Variants in ZKSCAN7 observed in about 807,000 individuals in gnomAD.
ZKSCAN7 encodes zinc finger protein with KRAB and SCAN domains 7.
In ZKSCAN7, 38 loss-of-function variants were observed where a neutral mutation model predicts 65.3. The observed-to-expected ratio is 0.58, with a 90% CI of 0.45 to 0.76. The LOEUF (loss-of-function observed/expected upper bound fraction) is 0.76. Among genes scored for constraint, ZKSCAN7 ranks in the 30% least tolerant of loss-of-function variants. ZKSCAN7 has a pLI of 0.00. For missense variants in ZKSCAN7, 815 were observed against 913.3 expected, an observed-to-expected ratio of 0.89 and a Z score of 1.39; for synonymous variants, 321 against 321.0, an observed-to-expected ratio of 1.00 and a Z score of 0.00.
At chr3:44,581,126 G>T (rs1448726856) in intron 5 of ZKSCAN7, 38 of 986,126 alleles carry the variant, frequency 3.9e-5, no homozygotes, top group South Asian at 9.2e-5. Flanking sequence ...CGCCGGCCCT[G>T]CCACAGGCCC....
exon 6 of ZKSCAN7, chr3:44,583,174 C>T (rs533936575): frequency 4.0e-5 from 11 of 274,384 alleles, no homozygotes; most frequent in East Asian, 2.9e-4. Flanking sequence ...GTGATCCACC[C>T]GCCTCAGCCT....
At chr3:44,579,896 G>A in intron 5 of ZKSCAN7, 1 of 1,609,194 alleles carries the variant, frequency 6.2e-7, no homozygotes. Context: ...CGTCACGGAG[G>A]GCTCTGTGGA....
intron 2 of ZKSCAN7, among the ~76,000 whole-genome samples, chr3:44,558,336 C>T (rs140346093): frequency 1.5e-4 from 23 of 151,974 alleles, no homozygotes; most frequent in Admixed American, 6.6e-4. Flanking sequence ...ACCAGCCTGG[C>T]CAACATGGCA....
At chr3:44,575,317 C>A (rs571150543), downstream of ZKSCAN7, among the ~76,000 whole-genome samples, 1 of 152,118 alleles carries the variant, frequency 6.6e-6, no homozygotes, top group Non-Finnish European at 1.5e-5. Context: ...GCATGTCCAC[C>A]ACTTTGTTAG....
At chr3:44,568,094 A>G in intron 4 of ZKSCAN7, 91 bp downstream of exon 4, 1 of 1,410,836 alleles carries the variant, frequency 7.1e-7, no homozygotes. Context: ...TGCCCCATCT[A>G]AGACTATTCC....
In ZKSCAN7 at chr3:44,565,605, T is replaced by G; in HGVS notation, c.542T>G (p.Leu181Arg). ...GGGGGCTCAGCCCCTGGAGCCCACC[T>G]GGAGCCTCCTTATGACCCAGGGACA... is the stretch of plus-strand genomic sequence containing the variant. ...LSGGSAPGAH[L>R]EPPYDPGTHH... The change falls in exon 3 of 6, where the codon CTG (leucine) becomes CGG (arginine). Residue 181 changes from leucine to arginine, a missense_variant. Leu to Arg is a moderately radical substitution (Grantham distance 102). This residue lies in a region of ZKSCAN7 where 227 missense variants were observed against 253.3 expected (regional missense o/e 0.90). Transcript: ENST00000426540. The G allele has an allele frequency of 1.2e-6, 2 of 1,612,310 alleles. No individual in the cohort carries two copies. Among genetic ancestry groups the G allele is most frequent in the East Asian group, 4.5e-5 (2 of 44,822 alleles).
At chr3:44,565,328 G>GT (rs963192701) in intron 2 of ZKSCAN7, among the ~76,000 whole-genome samples, 159 bp from the exon 3 acceptor site, 79 of 150,484 alleles carry the variant, frequency 5.2e-4, no homozygotes, top group African/African-American at 1.1e-3. Flanking sequence ...TGCTTTCACA[G>GT]TTTTTTTTTT....
Position 44,565,604 on chromosome 3 carries a change from C to G in ZKSCAN7, c.541C>G (p.Leu181Val), listed in dbSNP as rs747277036. 7 of 1,612,360 alleles carry G rather than the reference C, an allele frequency of 4.3e-6. No homozygotes were observed. Among genetic ancestry groups the G allele is most frequent in the South Asian group, 1.1e-5 (1 of 90,460 alleles). ...TGGGGGCTCAGCCCCTGGAGCCCAC[C>G]TGGAGCCTCCTTATGACCCAGGGAC... ...LSGGSAPGAH[L>V]EPPYDPGTHH... is the part of the protein sequence containing the mutation. Residue 181 changes from leucine to valine, a missense_variant, in exon 3 of 6, where the codon CTG (leucine) becomes GTG (valine). Physicochemically the swap from Leu to Val is conservative, Grantham distance 32. Coordinates refer to ENST00000426540, the MANE Select transcript of ZKSCAN7 (RefSeq NM_001288590.2).
chr3:44,565,521 T>A lies in ZKSCAN7; in HGVS notation c.458T>A (p.Phe153Tyr). 1 of 1,610,108 alleles carries A rather than the reference T, an allele frequency of 6.2e-7. No homozygotes were observed. The highest frequency in any genetic ancestry group is 8.5e-7 in the Non-Finnish European group (1 of 1,178,374). Residue 153 changes from phenylalanine (F) to tyrosine (Y), a missense_variant, in exon 3 of 6, where the codon TTT (phenylalanine) becomes TAT (tyrosine). This residue lies in a region of ZKSCAN7 where 227 missense variants were observed against 253.3 expected (regional missense o/e 0.90). Transcript: ENST00000426540. ...CCAGCACAGAAACAGGAAATGCATT[T>A]TGAGGAGACAACAGCTCTGGGTACA... ...SAPAQKQEMH[F>Y]EETTALGTTK...
chr3:44,581,110 A>G (rs1700072452), intron 5 of ZKSCAN7: 2 of 998,582 alleles, frequency 2.0e-6, no homozygotes, highest in Non-Finnish European at 2.4e-6. Flanking sequence ...CCGCCGCCGC[A>G]TCCCTCGCCG....
intron 5 of ZKSCAN7, among the ~76,000 whole-genome samples, chr3:44,568,693 A>C (rs899908024): frequency 1.2e-4 from 19 of 152,184 alleles, no homozygotes; most frequent in Admixed American, 6.5e-5. Context: ...AAGTTATTGT[A>C]AGTAAGGAGC....
intron 5 of ZKSCAN7, chr3:44,578,126 C>A: frequency 1.3e-6 from 2 of 1,537,624 alleles, no homozygotes; most frequent in South Asian, 2.2e-5. Flanking sequence ...CCAGTGCTTC[C>A]GTTGCAGCCT....
rs1553622953 is a variant in ZKSCAN7 at position 44,582,945 on chromosome 3, T to TGA, written c.812-26_812-25dup. ...GTGTGTGTGTGTGTGTGTGTGTGTG[T>TGA]GACTGAGTTTCACTCTTGTCTTCCA... On this transcript the variant is annotated intron_variant, in intron 5 of 5. Transcript: ENST00000341840. 3.6e-4 allele frequency: 152 copies of TGA among 421,124 alleles called. 1 individual carries two copies. The highest frequency in any genetic ancestry group is 3.0e-3 in the African/African-American group (144 of 47,396). The allele number at this position is 421,124 out of a possible 1,614,324, so 26.1% of individuals were successfully genotyped here.
intron 2 of ZKSCAN7, among the ~76,000 whole-genome samples, chr3:44,558,782 A>ATTTTTTTTTTTTTTT (rs35709621): frequency 3.2e-5 from 3 of 92,708 alleles, no homozygotes; most frequent in Non-Finnish European, 4.0e-5. Context: ...TTTCTTCTTC[A>ATTTTTTTTTTTTTTT]TTTTTTTTTT....
In ZKSCAN7 at chr3:44,571,723, C is replaced by T; in HGVS notation, c.*348C>T. On this transcript the variant is annotated 3_prime_UTR_variant, in exon 6 of 6. Coordinates refer to ENST00000426540, the MANE Select transcript of ZKSCAN7 (RefSeq NM_001288590.2). ...TCTTCTCTATTCTATTCTACTTCCTCCATTTCACCATTTATACAAAGTCAT... is the reference window on the plus strand; with the variant it reads ...TCTTCTCTATTCTATTCTACTTCCTTCATTTCACCATTTATACAAAGTCAT... The T allele has an allele frequency of 9.3e-7, 1 of 1,073,474 alleles. No homozygotes were observed. The highest frequency in any genetic ancestry group is 1.1e-6 in the Non-Finnish European group (1 of 883,790). 66.5% of individuals were successfully genotyped at this position (1,073,474 alleles called of 1,614,324 possible).
Position 44,571,251 on chromosome 3 carries a change from C to G in ZKSCAN7, c.2141C>G (p.Thr714Ser), listed in dbSNP as rs763404130. Residue 714 changes from threonine to serine, a missense_variant, in exon 6 of 6, where the codon ACC (threonine) becomes AGC (serine). This residue lies in a region of ZKSCAN7 where 578 missense variants were observed against 629.5 expected (regional missense o/e 0.92). Transcript: ENST00000426540. The stretch of plus-strand genomic sequence containing the variant: ...CTTATTGTACACCAGAGAGTCCACA[C>G]CGGAGAGAAACCTTATGAATGTAGT... Reference protein sequence around the residue: ...SQLIVHQRVHTGEKPYECSEC... With the variant: ...SQLIVHQRVHSGEKPYECSEC... 1.2e-6 allele frequency: 2 copies of G among 1,614,082 alleles called. No individual in the cohort carries two copies. The highest frequency in any genetic ancestry group is 2.7e-5 in the African/African-American group (2 of 74,906).
At chr3:44,562,454 T>C (rs1362380267) in intron 2 of ZKSCAN7, among the ~76,000 whole-genome samples, 1 of 152,262 alleles carries the variant, frequency 6.6e-6, no homozygotes, top group Non-Finnish European at 1.5e-5. Context: ...GTGTTGGCTA[T>C]TAAAATTTGG....
At position 44,571,262 on chromosome 3, in the gene ZKSCAN7, C is replaced by T. The variant is rs767086772; in HGVS notation, c.2152C>T (p.Pro718Ser). ...CCAGAGAGTCCACACCGGAGAGAAA[C>T]CTTATGAATGTAGTGAATGTGGGAA... ...VHQRVHTGEK[P>S]YECSECGKAF... is the part of the protein sequence containing the mutation. Residue 718 changes from proline to serine, a missense_variant, in exon 6 of 6, where the codon CCT becomes TCT. Around this residue, in one of 3 missense-constraint regions of ZKSCAN7, gnomAD observed 578 missense variants for 629.5 expected, o/e 0.92. Transcript: ENST00000426540. 1 of 1,614,164 alleles carries T rather than the reference C, an allele frequency of 6.2e-7. No homozygotes were observed. The highest frequency in any genetic ancestry group is 1.1e-5 in the South Asian group (1 of 91,086).
intron 5 of ZKSCAN7, among the ~76,000 whole-genome samples, chr3:44,579,733 G>A (rs1184411682): frequency 6.6e-6 from 1 of 152,190 alleles, no homozygotes; most frequent in African/African-American, 2.4e-5. Context: ...ATGCAGACAA[G>A]TCAATTTCTC....
Sources: allele counts gnomAD v4.1 joint callset (sites outside exome capture counted in the v4.1 genomes callset), GRCh38; gene constraint gnomAD v4.1.1; regional missense constraint gnomAD v4.1.1; transcripts MANE v1.5; gene names NCBI Gene and HGNC (gene_info 2026-07-23, HGNC 2026-07-21).